ARK2N: variants seen among roughly 807,000 people sequenced by gnomAD.
The protein encoded by ARK2N is arkadia (RNF111) N-terminal like PKA signaling regulator 2N.
chr18:46,230,580 T>C, the ARK2N span, among the ~76,000 whole-genome samples: 1 of 152,200 alleles, frequency 6.6e-6, no homozygotes, highest in African/African-American at 2.4e-5. Context: ...TATTTAAGAA[T>C]AAAATCCCAT....
the ARK2N span, chr18:46,264,078 A>T: frequency 6.6e-6 from 1 of 152,500 alleles, no homozygotes; most frequent in East Asian, 1.9e-4. Flanking sequence ...CAACTGTTTA[A>T]CATCCGAGAT....
At chr18:46,206,346 A>G in the ARK2N span, among the ~76,000 whole-genome samples, 2 of 152,034 alleles carry the variant, frequency 1.3e-5, no homozygotes, top group African/African-American at 4.8e-5. Flanking sequence ...TCTACCTCCC[A>G]AAGTGCCGGG....
chr18:46,256,411 C>CT, the ARK2N span, among the ~76,000 whole-genome samples: 86 of 77,380 alleles, frequency 1.1e-3, no homozygotes, highest in Middle Eastern at 7.7e-3. Context: ...TGTTTATCTT[C>CT]TTTTTTTAAA....
chr18:46,223,440 T>C, the ARK2N span, among the ~76,000 whole-genome samples: 1 of 152,212 alleles, frequency 6.6e-6, no homozygotes, highest in African/African-American at 2.4e-5. Context: ...TAAATGTTTG[T>C]CTCACAGCCT....
chr18:46,174,841 C>T, the ARK2N span, among the ~76,000 whole-genome samples: 1 of 152,102 alleles, frequency 6.6e-6, no homozygotes, highest in African/African-American at 2.4e-5. Flanking sequence ...GCCCCTGCAG[C>T]GGAGAGCTCC....
the ARK2N span, among the ~76,000 whole-genome samples, chr18:46,231,256 T>G: frequency 1.3e-5 from 2 of 151,972 alleles, no homozygotes; most frequent in African/African-American, 2.4e-5. Context: ...GTGTTATCTG[T>G]TTTTTGTTTG....
At chr18:46,255,445 C>CTTTTCTTTTTTTTTTT in the ARK2N span, among the ~76,000 whole-genome samples, 3 of 77,728 alleles carry the variant, frequency 3.9e-5, no homozygotes, top group African/African-American at 1.8e-4. Context: ...CTTTTCTTTT[C>CTTTTCTTTTTTTTTTT]TTTTTTTTTT....
the ARK2N span, among the ~76,000 whole-genome samples, chr18:46,205,065 G>A: frequency 4.0e-5 from 6 of 151,790 alleles, no homozygotes; most frequent in African/African-American, 7.3e-5. Flanking sequence ...CCACGACCAC[G>A]CCTGGCTAAT....
the ARK2N span, chr18:46,253,769 A>G: frequency 1.2e-6 from 2 of 1,613,684 alleles, no homozygotes; most frequent in Non-Finnish European, 1.7e-6. Flanking sequence ...GAAGAAATTA[A>G]CATTGCGTCT....
At chr18:46,243,623 A>G in the ARK2N span, among the ~76,000 whole-genome samples, 2 of 152,232 alleles carry the variant, frequency 1.3e-5, no homozygotes, top group African/African-American at 4.8e-5. Flanking sequence ...TGATCAACAA[A>G]AGACCTGAAT....
chr18:46,198,848 C>T, the ARK2N span, among the ~76,000 whole-genome samples: 4,917 of 152,220 alleles, frequency 0.032, 155 homozygotes, highest in African/African-American at 0.085. Context: ...CCACCTGCCT[C>T]GGCCTCCCAA....
chr18:46,201,562 T>C, the ARK2N span, among the ~76,000 whole-genome samples: 1 of 152,098 alleles, frequency 6.6e-6, no homozygotes, highest in Non-Finnish European at 1.5e-5. Context: ...ACATGGACAG[T>C]GTAAATTTGA....
the ARK2N span, among the ~76,000 whole-genome samples, chr18:46,197,482 C>T: frequency 1.2e-4 from 18 of 152,208 alleles, no homozygotes; most frequent in African/African-American, 3.9e-4. Context: ...GATCCACCCA[C>T]CTTGGCCTCC....
chr18:46,230,898 G>C, the ARK2N span, among the ~76,000 whole-genome samples: 1 of 152,156 alleles, frequency 6.6e-6, no homozygotes, highest in Admixed American at 6.5e-5. Context: ...TCTCACTAAA[G>C]GTAAATGTGT....
At chr18:46,259,986 G>T in the ARK2N span, among the ~76,000 whole-genome samples, 1 of 146,226 alleles carries the variant, frequency 6.8e-6, no homozygotes, top group African/African-American at 2.5e-5. Context: ...CTCCCAGAGT[G>T]CTGGGATTAC....
chr18:46,240,322 TC>T, the ARK2N span: 3 of 944,116 alleles, frequency 3.2e-6, no homozygotes, highest in Non-Finnish European at 4.6e-6. Context: ...GTTGTGACTA[TC>T]CAGGCTGCCA....
the ARK2N span, among the ~76,000 whole-genome samples, chr18:46,249,149 T>C: frequency 6.6e-6 from 1 of 152,188 alleles, no homozygotes; most frequent in Admixed American, 6.5e-5. Context: ...GAGTTAAAGG[T>C]TGCCTTAATT....
chr18:46,230,938 T>G, the ARK2N span, among the ~76,000 whole-genome samples: 1 of 152,236 alleles, frequency 6.6e-6, no homozygotes, highest in Non-Finnish European at 1.5e-5. Context: ...GCCTGCTTTC[T>G]GCCTAGTTTG....
At chr18:46,263,021 C>A in the ARK2N span, 1 of 1,614,138 alleles carries the variant, frequency 6.2e-7, no homozygotes, top group Non-Finnish European at 8.5e-7. Context: ...CAAACACAGT[C>A]ATGGACTGCT....
Sources: gnomAD v4.1 joint callset for allele counts (sites outside exome capture counted in the v4.1 genomes callset) on GRCh38, gnomAD v4.1.1 for gene constraint, MANE v1.5 for transcripts, NCBI Gene and HGNC (gene_info 2026-07-23, HGNC 2026-07-21) for gene names.